The following UFSP2 variants were observed in gnomAD, a reference collection of about 807,000 sequenced individuals.
UFSP2 encodes the protein UFM1 specific peptidase 2.
In UFSP2, 43 loss-of-function variants were observed where a neutral mutation model predicts 60.2. The ratio of observed to expected loss-of-function variants is 0.71; its 90% confidence interval spans 0.56 to 0.92. The LOEUF (loss-of-function observed/expected upper bound fraction) is 0.92, where lower values mean the gene tolerates loss of function less well. Ranked by LOEUF, UFSP2 falls within the 40% of genes least tolerant of loss-of-function variation. The pLI is 0.00. For synonymous variants in UFSP2, 183 were observed against 195.1 expected (o/e 0.94, Z 0.52); for missense variants, 520 against 575.0 (o/e 0.90, Z 0.98).
At chr4:185,402,562 G>A (rs2095514628) in intron 11 of UFSP2, among the ~76,000 whole-genome samples, 2 of 152,094 alleles carry the variant, frequency 1.3e-5, no homozygotes, top group African/African-American at 4.8e-5. Flanking sequence ...TGCAACCTCT[G>A]CCTCCCGGGT....
At chr4:185,400,723 A>T in intron 11 of UFSP2, 1 of 364,734 alleles carries the variant, frequency 2.7e-6, no homozygotes, top group Non-Finnish European at 4.9e-6. Flanking sequence ...TTTACCTGTA[A>T]CTGTTATTCC....
intron 10 of UFSP2, among the ~76,000 whole-genome samples, chr4:185,404,131 A>G (rs1373503703): frequency 1.3e-5 from 2 of 152,094 alleles, no homozygotes; most frequent in Non-Finnish European, 2.9e-5. Flanking sequence ...ATAATCACAT[A>G]CAATTTATAT....
At chr4:185,404,296 T>G (rs1169882422) in intron 10 of UFSP2, among the ~76,000 whole-genome samples, 3 of 139,020 alleles carry the variant, frequency 2.2e-5, no homozygotes, top group South Asian at 2.4e-4. Flanking sequence ...TCATTAAGTT[T>G]TTTTTTTTTT....
At chr4:185,402,725 C>G (rs929349928) in intron 11 of UFSP2, among the ~76,000 whole-genome samples, 1 of 152,218 alleles carries the variant, frequency 6.6e-6, no homozygotes, top group Non-Finnish European at 1.5e-5. Flanking sequence ...ATCTGCCCAC[C>G]TCAGCCTCCC....
At chr4:185,418,047 A>AATACACACACACACACACACACACAC (rs1554024887) in intron 4 of UFSP2, among the ~76,000 whole-genome samples, 1 of 142,954 alleles carries the variant, frequency 7.0e-6, no homozygotes, top group South Asian at 2.2e-4. Context: ...TCCATCTCAA[A>AATACACACACACACACACACACACAC]ACACACACAC....
intron 9 of UFSP2, 24 bp from the exon 10 acceptor site, chr4:185,405,880 A>G: frequency 6.2e-7 from 1 of 1,613,992 alleles, no homozygotes; most frequent in Non-Finnish European, 8.5e-7. Context: ...ATTTTCTATC[A>G]GATGAACTAC....
rs745862627 is a variant in UFSP2, at chr4:185,415,363, T to C, written c.492-16A>G. On this transcript the variant is annotated splice_polypyrimidine_tract_variant and intron_variant, in intron 5 of 11. Transcript: ENST00000264689. Reference sequence around the variant, plus strand: ...TTTACGAACTCTGTGGGGGGAAATATATAAGTGTATTAACAAAAGTTATAG... The same window carrying C: ...TTTACGAACTCTGTGGGGGGAAATACATAAGTGTATTAACAAAAGTTATAG... The C allele has an allele frequency of 7.8e-6, 12 of 1,546,256 alleles. 1 individual carries two copies. The South Asian group carries it at 1.3e-4, about 16-fold the overall frequency.
In UFSP2 at chr4:185,400,204, G is replaced by A; in HGVS notation, c.*188C>T. ...TGCCTATAATATGCTGGTTGTGTAT[G>A]CTTTGTCTTTTAAGTTATTAAAGGA... On this transcript the variant is annotated 3_prime_UTR_variant, in exon 12 of 12. Coordinates refer to ENST00000264689, the MANE Select transcript of UFSP2 (RefSeq NM_018359.5). 1.4e-6 allele frequency: 1 copy of A among 703,010 alleles called. No homozygotes were observed. Among genetic ancestry groups the A allele is most frequent in the Non-Finnish European group, 2.3e-6 (1 of 429,388 alleles). The allele number at this position is 703,010 out of a possible 1,614,324, so 43.5% of individuals were successfully genotyped here.
At position 185,425,865 on chromosome 4, in the gene UFSP2, C is replaced by T. The variant is rs746719130; in HGVS notation, c.3+1G>A. 4 of 1,604,046 alleles carry T rather than the reference C, an allele frequency of 2.5e-6. No individual in the cohort carries two copies. Among genetic ancestry groups the T allele is most frequent in the Non-Finnish European group, 3.4e-6 (4 of 1,175,562 alleles). ...GGTCGGTGACGAGCAGAGATACTCA[C>T]CATGTCCGCGACGTGGCGGTGACAC... On this transcript the variant is annotated splice_donor_variant, in intron 1 of 11. Transcript: ENST00000264689. LOFTEE classifies it high-confidence loss of function.
chr4:185,418,572 T>G lies in UFSP2; in HGVS notation c.266+15A>C. On this transcript the variant is annotated intron_variant, in intron 3 of 11. Transcript: ENST00000264689. ...TGTTTTGAAAACATTTCTAGAAATC[T>G]TCAAACATACTCACTGAATAAAGCG... The G allele has an allele frequency of 1.2e-6, 2 of 1,611,868 alleles. No homozygotes were observed. The highest frequency in any genetic ancestry group is 1.7e-6 in the Non-Finnish European group (2 of 1,179,438).
chr4:185,403,863 G>A (rs1370395245), intron 10 of UFSP2, among the ~76,000 whole-genome samples: 4 of 149,636 alleles, frequency 2.7e-5, no homozygotes, highest in Non-Finnish European at 4.4e-5. Context: ...TGTAGTCCCA[G>A]CTCCTGCTGA....
chr4:185,413,691 T>A, intron 7 of UFSP2, 35 bp downstream of exon 7: 2 of 1,578,282 alleles, frequency 1.3e-6, no homozygotes, highest in Admixed American at 1.9e-5. Flanking sequence ...ACATTACTGA[T>A]CCAGTGACTC....
In UFSP2 at chr4:185,408,325, G is replaced by T. The variant is rs1426496886; in HGVS notation, c.942C>A (p.Phe314Leu). The change falls in exon 8 of 12, where the codon TTC (phenylalanine) becomes TTA (leucine). Residue 314 changes from phenylalanine (F) to leucine (L), a missense_variant. Transcript: ENST00000264689. ...YRSLQTICSW[F>L]KHQGYTERSI... Reference sequence around the variant, plus strand: ...ACCTCTCTGTGTATCCCTGATGTTTGAACCAAGAGCAGATAGTCTGCAGAG... The same window carrying T: ...ACCTCTCTGTGTATCCCTGATGTTTTAACCAAGAGCAGATAGTCTGCAGAG... The T allele has an allele frequency of 1.9e-6, 3 of 1,613,996 alleles. No homozygotes were observed. In the African/African-American group the frequency reaches 4.0e-5, roughly 22 times the overall value.
Position 185,422,507 on chromosome 4 carries a change from A to G in UFSP2, c.60T>C (p.Ala20=). 6.2e-7 allele frequency: 1 copy of G among 1,611,608 alleles called. No individual in the cohort carries two copies. The highest frequency in any genetic ancestry group is 8.5e-7 in the Non-Finnish European group (1 of 1,179,352). The part of the protein sequence containing the change: ...LFRIRGGLDL[A]FQLATPNEIF... ...TACCATTAGGAGTAGCTAGCTGAAA[A>G]GCCAAATCAAGGCCTCCTCTTATTC... Residue 20 remains alanine, a synonymous_variant, in exon 2 of 12, where the codon GCT becomes GCC. Transcript: ENST00000264689.
intron 10 of UFSP2, among the ~76,000 whole-genome samples, chr4:185,404,908 G>A (rs958611318): frequency 1.3e-5 from 2 of 151,926 alleles, no homozygotes; most frequent in African/African-American, 4.8e-5. Flanking sequence ...TAAAACATAA[G>A]CTCATACAAT....
chr4:185,405,575 ACTT>A (rs1173673103), intron 10 of UFSP2, among the ~76,000 whole-genome samples: 3 of 152,196 alleles, frequency 2.0e-5, no homozygotes, highest in Middle Eastern at 3.4e-3. Flanking sequence ...CTCAGCCTTT[ACTT>A]CTTCTGGTTA....
At chr4:185,419,969 C>A (rs995694027) in intron 2 of UFSP2, among the ~76,000 whole-genome samples, 5 of 152,226 alleles carry the variant, frequency 3.3e-5, no homozygotes, top group Non-Finnish European at 7.3e-5. Flanking sequence ...CTCTCTATTT[C>A]ACACTTTCAG....
intron 7 of UFSP2, among the ~76,000 whole-genome samples, chr4:185,409,821 G>T (rs1240936090): frequency 1.3e-5 from 2 of 152,186 alleles, no homozygotes; most frequent in East Asian, 3.8e-4. Context: ...AAAGAGAGGG[G>T]CATAGGAGGA....
Position 185,408,252 on chromosome 4 carries a change from A to T in UFSP2, c.996+19T>A, listed in dbSNP as rs2095523770. The T allele has an allele frequency of 6.2e-7, 1 of 1,609,716 alleles. No individual in the cohort carries two copies. The highest frequency in any genetic ancestry group is 1.3e-5 in the African/African-American group (1 of 74,930). ...TGAAACATACAGTTGATTATAATTT[A>T]AAACGGTATGTTCTGTACCTGCTGA... On this transcript the variant is annotated intron_variant, in intron 8 of 11. Transcript: ENST00000264689.
Sources: gnomAD v4.1 joint callset for allele counts (sites outside exome capture counted in the v4.1 genomes callset) on GRCh38, gnomAD v4.1.1 for gene constraint, MANE v1.5 for transcripts, NCBI Gene and HGNC (gene_info 2026-07-23, HGNC 2026-07-21) for gene names.